Variants in COL12A1 observed in about 807,000 individuals in gnomAD.
COL12A1 encodes collagen type XII alpha 1 chain, also known as collagen alpha-1(XII) chain.
A neutral mutation model predicts 349.7 loss-of-function variants in COL12A1; 114 were observed. The observed-to-expected ratio is 0.33, with a 90% confidence interval of 0.28 to 0.38. The LOEUF (loss-of-function observed/expected upper bound fraction) is 0.38, where lower values mean the gene tolerates loss of function less well. Among genes scored for constraint, COL12A1 ranks in the 10% least tolerant of loss-of-function variants. COL12A1 has a pLI of 1.00. For synonymous variants in COL12A1, 1,369 were observed against 1,329.0 expected, an observed-to-expected ratio of 1.03 and a Z score of -0.66; for missense variants, 3,284 against 3,756.9, an observed-to-expected ratio of 0.87 and a Z score of 3.29.
intron 65 of COL12A1, among the ~76,000 whole-genome samples, chr6:75,086,773 A>G (rs1767517562): frequency 6.6e-6 from 1 of 151,736 alleles, no homozygotes; most frequent in African/African-American, 2.4e-5. Flanking sequence ...ATGGAAATAT[A>G]CATTAAGATT....
chr6:75,115,891 T>C lies in COL12A1; in HGVS notation c.7590A>G (p.Thr2530=). ...CTTGTACAGAAGCAAAATTCTTTTCTGTCAGGTTGTATGCTTCAAGCATTT... is the reference window on the plus strand; with the variant it reads ...CTTGTACAGAAGCAAAATTCTTTTCCGTCAGGTTGTATGCTTCAAGCATTT... The part of the protein sequence containing the change: ...GFKMLEAYNL[T]EKNFASVQGV... Residue 2530 remains threonine, a synonymous_variant, in exon 49 of 66, where the codon ACA becomes ACG. Transcript: ENST00000322507. 2 of 1,613,518 alleles carry C rather than the reference T, an allele frequency of 1.2e-6. No individual in the cohort carries two copies. The highest frequency in any genetic ancestry group is 8.5e-7 in the Non-Finnish European group (1 of 1,179,670).
chr6:75,179,793 C>A (rs1476299158), intron 11 of COL12A1, among the ~76,000 whole-genome samples: 1 of 152,190 alleles, frequency 6.6e-6, no homozygotes, highest in African/African-American at 2.4e-5. Context: ...AATTGCCTTG[C>A]CTTAGTCTTC....
chr6:75,123,851 G>A (rs767930282), intron 42 of COL12A1, 97 bp downstream of exon 42: 247 of 1,276,124 alleles, frequency 1.9e-4, no homozygotes, highest in Non-Finnish European at 2.4e-4. Context: ...CTACCCCTAC[G>A]GAGAGGTACC....
At chr6:75,189,014 C>T (rs1024867572) in intron 7 of COL12A1, among the ~76,000 whole-genome samples, 2 of 152,044 alleles carry the variant, frequency 1.3e-5, no homozygotes, top group Admixed American at 6.6e-5. Flanking sequence ...TTCCTAAATA[C>T]ATATGCTAAG....
intron 13 of COL12A1, among the ~76,000 whole-genome samples, chr6:75,168,405 G>A (rs934016308): frequency 6.6e-6 from 1 of 152,208 alleles, no homozygotes; most frequent in African/African-American, 2.4e-5. Context: ...ATTGCGCCCT[G>A]TGGTACAGTT....
intron 13 of COL12A1, among the ~76,000 whole-genome samples, chr6:75,170,191 T>C (rs1365444065): frequency 2.6e-5 from 4 of 152,228 alleles, no homozygotes; most frequent in Non-Finnish European, 5.9e-5. Context: ...CAATGATAAA[T>C]GAAAAATTAA....
intron 2 of COL12A1, among the ~76,000 whole-genome samples, chr6:75,199,325 T>C (rs932982620): frequency 1.3e-5 from 2 of 152,240 alleles, no homozygotes; most frequent in African/African-American, 2.4e-5. Flanking sequence ...ATGATCTCTA[T>C]GTTAGCCTCT....
chr6:75,110,073 A>G (rs1444286563), intron 51 of COL12A1, among the ~76,000 whole-genome samples: 1 of 152,116 alleles, frequency 6.6e-6, no homozygotes, highest in Non-Finnish European at 1.5e-5. Flanking sequence ...AGTTTACTGC[A>G]TCTGTGATAA....
In COL12A1 at chr6:75,154,496, T is replaced by A. The variant is rs770692332; in HGVS notation, c.3485A>T (p.Asp1162Val). The change falls in exon 17 of 66, where the codon GAT (aspartate) becomes GTT (valine). Residue 1162 changes from aspartate to valine, a missense_variant. Transcript: ENST00000322507. ...AACAAGTGGTGAGCTTTCTCCTCCATCAAACATTCCAAAAACATTTACTTT... is the reference window on the plus strand; with the variant it reads ...AACAAGTGGTGAGCTTTCTCCTCCAACAAACATTCCAAAAACATTTACTTT... ...TYKVNVFGMF[D>V]GGESSPLVGQ... 5 of 1,610,016 alleles carry A rather than the reference T, an allele frequency of 3.1e-6. No homozygotes were observed. The Admixed American group carries it at 6.7e-5, about 22-fold the overall frequency.
chr6:75,173,905 A>G (rs188095599), intron 13 of COL12A1, among the ~76,000 whole-genome samples: 45 of 152,318 alleles, frequency 3.0e-4, no homozygotes, highest in Admixed American at 1.5e-3. Flanking sequence ...AATAAATCAT[A>G]TAAAATATAA....
Position 75,115,909 on chromosome 6 carries a change from A to C in COL12A1, c.7572T>G (p.Leu2524=), listed in dbSNP as rs758234637. The part of the protein sequence containing the change: ...DGYTSPGFKM[L]EAYNLTEKNF... ...TCTTTTCTGTCAGGTTGTATGCTTC[A>C]AGCATTTTAAAACCTTTACATCAGA... Residue 2524 remains leucine (L), a synonymous_variant, in exon 49 of 66, where the codon CTT becomes CTG. Transcript: ENST00000322507. 1.9e-6 allele frequency: 3 copies of C among 1,612,920 alleles called. No homozygotes were observed. The East Asian group carries it at 6.7e-5, about 36-fold the overall frequency.
At chr6:75,187,176 A>T (rs1582204570) in intron 8 of COL12A1, among the ~76,000 whole-genome samples, 1 of 123,070 alleles carries the variant, frequency 8.1e-6, no homozygotes, top group African/African-American at 2.8e-5. Context: ...ATATATATAT[A>T]TTTAAAATGA....
In COL12A1 at chr6:75,084,650, T is replaced by A. The variant is rs1020304353; in HGVS notation, c.*1897A>T. On this transcript the variant is annotated 3_prime_UTR_variant, in exon 66 of 66. Coordinates refer to ENST00000322507, the MANE Select transcript of COL12A1 (RefSeq NM_004370.6). ...GATGCACTAACTTCATCTACATGGC[T>A]TAAGGTTTGTGGTTGTTAAAGAGAT... 6.5e-6 allele frequency: 1 copy of A among 153,714 alleles called. No individual in the cohort carries two copies. Among genetic ancestry groups the A allele is most frequent in the African/African-American group, 2.4e-5 (1 of 41,448 alleles). The allele number at this position is 153,714 out of a possible 1,614,324, so 9.5% of individuals were successfully genotyped here.
chr6:75,149,306 G>A (rs1185445040), intron 21 of COL12A1, among the ~76,000 whole-genome samples: 1 of 151,766 alleles, frequency 6.6e-6, no homozygotes, highest in Non-Finnish European at 1.5e-5. Context: ...TTATCATTTT[G>A]TTTCTATATA....
chr6:75,133,709 A>G (rs1766430055), intron 33 of COL12A1, 149 bp downstream of exon 33: 1 of 932,990 alleles, frequency 1.1e-6, no homozygotes, highest in Non-Finnish European at 1.6e-6. Context: ...GCTCTAAGGC[A>G]TCAACTATTT....
intron 37 of COL12A1, among the ~76,000 whole-genome samples, chr6:75,129,807 G>A (rs984908761): frequency 6.6e-6 from 1 of 152,100 alleles, no homozygotes; most frequent in Admixed American, 6.6e-5. Context: ...TTCCTGTGGT[G>A]TCATTAGGTG....
At chr6:75,111,663 A>G (rs995570916) in intron 51 of COL12A1, among the ~76,000 whole-genome samples, 1 of 151,888 alleles carries the variant, frequency 6.6e-6, no homozygotes, top group Non-Finnish European at 1.5e-5. Context: ...GCCAGATTCA[A>G]CATCTAAGAA....
At chr6:75,158,197 A>G (rs1767853918) in intron 14 of COL12A1, among the ~76,000 whole-genome samples, 1 of 152,182 alleles carries the variant, frequency 6.6e-6, no homozygotes, top group Non-Finnish European at 1.5e-5. Context: ...CAATGTGATG[A>G]CATTTAAACA....
At chr6:75,182,247 C>A (rs1769353721) in intron 10 of COL12A1, among the ~76,000 whole-genome samples, 1 of 36,232 alleles carries the variant, frequency 2.8e-5, no homozygotes, top group African/African-American at 5.9e-5. Flanking sequence ...TTCTGGGGTA[C>A]ATGTGCAGAA....
Sources: gnomAD v4.1 joint callset for allele counts (sites outside exome capture counted in the v4.1 genomes callset) on GRCh38, gnomAD v4.1.1 for gene constraint, MANE v1.5 for transcripts, NCBI Gene and HGNC (gene_info 2026-07-23, HGNC 2026-07-21) for gene names.